Variants in ARHGAP44 observed in about 807,000 individuals in gnomAD.
ARHGAP44 encodes the protein Rho GTPase activating protein 44, also known as rho GTPase-activating protein 44.
In ARHGAP44, 43 loss-of-function variants were observed where a neutral mutation model predicts 106.8. That is an observed-to-expected ratio of 0.40 (90% CI 0.32 to 0.52). The LOEUF (loss-of-function observed/expected upper bound fraction) is 0.52. ARHGAP44 is among the 20% of genes least tolerant of loss of function. ARHGAP44 has a pLI of 0.48. For missense variants in ARHGAP44, 866 were observed against 1,050.5 expected (o/e 0.82, Z 2.43); for synonymous variants, 439 against 410.3 (o/e 1.07, Z -0.85).
intron 1 of ARHGAP44, among the ~76,000 whole-genome samples, chr17:12,831,214 T>A (rs956531988): frequency 6.6e-6 from 1 of 152,166 alleles, no homozygotes; most frequent in African/African-American, 2.4e-5. Flanking sequence ...CAAGAAAACA[T>A]CTTAAGCCTG....
intron 20 of ARHGAP44, chr17:12,987,049 T>G: frequency 3.9e-6 from 5 of 1,287,650 alleles, no homozygotes; most frequent in African/African-American, 1.5e-5. Flanking sequence ...GTGACGTTCA[T>G]GTTTTGTCGT....
chr17:12,843,428 T>C (rs1567643679), intron 1 of ARHGAP44, among the ~76,000 whole-genome samples: 1 of 152,080 alleles, frequency 6.6e-6, no homozygotes, highest in South Asian at 2.1e-4. Context: ...TTTCCCTTTG[T>C]ATCTTTAAGC....
At chr17:12,914,241 C>A (rs1185679688) in intron 4 of ARHGAP44, among the ~76,000 whole-genome samples, 1 of 152,108 alleles carries the variant, frequency 6.6e-6, no homozygotes, top group Non-Finnish European at 1.5e-5. Context: ...TAATTTGTAT[C>A]CACCAGTTTA....
At chr17:12,820,917 A>T (rs918634387) in intron 1 of ARHGAP44, among the ~76,000 whole-genome samples, 25 of 152,194 alleles carry the variant, frequency 1.6e-4, no homozygotes, top group African/African-American at 5.5e-4. Context: ...CCATATCTAA[A>T]ACCCTGAAGA....
chr17:12,833,932 T>TGG (rs1301632627), intron 1 of ARHGAP44, among the ~76,000 whole-genome samples: 1 of 151,464 alleles, frequency 6.6e-6, no homozygotes, highest in Non-Finnish European at 1.5e-5. Flanking sequence ...GGTAGCAGGC[T>TGG]TCAGAGAGAA....
chr17:12,941,638 C>G (rs1252981948), intron 8 of ARHGAP44, among the ~76,000 whole-genome samples: 1 of 152,118 alleles, frequency 6.6e-6, no homozygotes, highest in Non-Finnish European at 1.5e-5. Flanking sequence ...CTTTTTTAAT[C>G]TAGATTTTAT....
At chr17:12,816,438 G>A (rs2034599730) in intron 1 of ARHGAP44, among the ~76,000 whole-genome samples, 2 of 152,054 alleles carry the variant, frequency 1.3e-5, no homozygotes, top group Non-Finnish European at 2.9e-5. Flanking sequence ...ATTAGGGTAG[G>A]GAAAGTCATA....
chr17:12,959,719 GTCAGT>G (rs1278701502), intron 16 of ARHGAP44, among the ~76,000 whole-genome samples: 3 of 152,206 alleles, frequency 2.0e-5, no homozygotes, highest in Non-Finnish European at 2.9e-5. Context: ...GGTCAGGCAA[GTCAGT>G]TCAGTGAACT....
chr17:12,963,046 CAAAAAAAAAAAAAA>C (rs71369355), intron 16 of ARHGAP44, among the ~76,000 whole-genome samples: 1 of 70,948 alleles, frequency 1.4e-5, no homozygotes, highest in Admixed American at 1.5e-4. Flanking sequence ...AACACCATCT[CAAAAAAAAAAAAAA>C]AAAAAAAAAA....
chr17:12,955,724 G>A (rs1353608512), intron 13 of ARHGAP44, 143 bp from the exon 14 acceptor site: 20 of 579,052 alleles, frequency 3.5e-5, no homozygotes, highest in Middle Eastern at 5.4e-4. Flanking sequence ...TTCCTGACAC[G>A]TGACGCATGT....
intron 1 of ARHGAP44, among the ~76,000 whole-genome samples, chr17:12,800,846 A>G (rs1038352581): frequency 5.9e-5 from 9 of 152,164 alleles, no homozygotes; most frequent in South Asian, 2.1e-4. Context: ...CTCTCCCCCT[A>G]ATCTTGTTAT....
chr17:12,840,948 C>A (rs565550059), intron 1 of ARHGAP44, among the ~76,000 whole-genome samples: 1 of 152,186 alleles, frequency 6.6e-6, no homozygotes, highest in East Asian at 1.9e-4. Context: ...GGTCGGTTCC[C>A]CATCCTGCAG....
At chr17:12,807,197 G>T (rs1289074882) in intron 1 of ARHGAP44, among the ~76,000 whole-genome samples, 1 of 152,182 alleles carries the variant, frequency 6.6e-6, no homozygotes, top group Non-Finnish European at 1.5e-5. Context: ...TTGAAGCATT[G>T]AATCGGAGCA....
chr17:12,870,066 T>TTG (rs1555549506), intron 1 of ARHGAP44, among the ~76,000 whole-genome samples: 18,674 of 143,566 alleles, frequency 0.13, 1,434 homozygotes, highest in Middle Eastern at 0.2. Flanking sequence ...TTTTTTTTTT[T>TTG]GAGATAGAGT....
At chr17:12,887,691 G>C (rs1225038789) in intron 1 of ARHGAP44, among the ~76,000 whole-genome samples, 2 of 152,104 alleles carry the variant, frequency 1.3e-5, no homozygotes, top group African/African-American at 4.8e-5. Flanking sequence ...TTCTGGAAGA[G>C]ATTGTTTAGA....
intron 1 of ARHGAP44, among the ~76,000 whole-genome samples, chr17:12,825,225 A>G (rs1159074544): frequency 6.6e-6 from 1 of 151,872 alleles, no homozygotes; most frequent in Admixed American, 6.6e-5. Flanking sequence ...TTTTGTAGAG[A>G]TGGGGTTTTG....
intron 3 of ARHGAP44, among the ~76,000 whole-genome samples, chr17:12,904,088 G>A (rs1406923942): frequency 1.3e-5 from 2 of 151,118 alleles, no homozygotes; most frequent in African/African-American, 2.5e-5. Flanking sequence ...TGGCTTCCTT[G>A]TAATTTCTTG....
rs574090420 is a variant in ARHGAP44 at position 12,971,817 on chromosome 17, C to T, written c.1524-1485C>T. On this transcript the variant is annotated intron_variant, in intron 16 of 20. Transcript: ENST00000379672. ...AGCCATCCAGCGGAGATGAGAAATA[C>T]CAGCAATCGTACTAGACATGAGAAG... 4.6e-5 allele frequency among the ~76,000 whole-genome samples: 7 copies of T among 152,234 alleles called. 1 individual carries two copies. In the South Asian group the frequency reaches 8.3e-4, roughly 18 times the overall value.
At chr17:12,807,944 A>G in intron 1 of ARHGAP44, among the ~76,000 whole-genome samples, 1 of 152,272 alleles carries the variant, frequency 6.6e-6, no homozygotes, top group East Asian at 1.9e-4. Context: ...AATGGTTACA[A>G]TGTGGATACA....
Sources: gnomAD v4.1 joint callset for allele counts (sites outside exome capture counted in the v4.1 genomes callset) on GRCh38, gnomAD v4.1.1 for gene constraint, MANE v1.5 for transcripts, NCBI Gene and HGNC (gene_info 2026-07-23, HGNC 2026-07-21) for gene names.